PCYT1B: variants seen among roughly 807,000 people sequenced by gnomAD.
PCYT1B encodes the protein phosphate cytidylyltransferase 1B, choline.
Under a neutral mutation model 26.4 loss-of-function variants are expected in PCYT1B, and 10 were observed. The ratio of observed to expected loss-of-function variants is 0.38; its 90% confidence interval spans 0.23 to 0.64. The LOEUF is 0.64. PCYT1B is among the 30% of genes least tolerant of loss of function. The probability of loss-of-function intolerance (pLI) is 0.56; values close to 1 mark genes in which losing one functional copy is unlikely to be tolerated. For synonymous variants in PCYT1B, 131 were observed against 108.4 expected, an observed-to-expected ratio of 1.21 and a Z score of -1.29; for missense variants, 161 against 292.7, an observed-to-expected ratio of 0.55 and a Z score of 3.28.
chrX:24,603,285 G>C lies in PCYT1B; in HGVS notation c.334+4460C>G, dbSNP rs779582187. ...GGAAATCTGTGGGCCATCTTTAATT[G>C]TCATAATGGTTGGAGGCAGCTACCA... On this transcript the variant is annotated intron_variant, in intron 3 of 7. Coordinates refer to ENST00000379144, the MANE Select transcript of PCYT1B (RefSeq NM_004845.5). 2.7e-5 allele frequency among the ~76,000 whole-genome samples: 3 copies of C among 112,240 alleles called. No homozygotes were observed. In the South Asian group the frequency reaches 1.1e-3, roughly 42 times the overall value.
rs201430930 is a variant in PCYT1B at position 24,577,253 on chromosome X, T to TTCATC, written c.709-1940_709-1936dup. 4.9e-3 allele frequency among the ~76,000 whole-genome samples: 553 copies of TTCATC among 111,742 alleles called. 13 individuals carry two copies. Among genetic ancestry groups the TTCATC allele is most frequent in the Admixed American group, 0.046 (487 of 10,477 alleles). On this transcript the variant is annotated intron_variant, in intron 6 of 7. Coordinates refer to ENST00000379144, the MANE Select transcript of PCYT1B (RefSeq NM_004845.5). ...TACACGCCCATGCAACACATTAGATTTCATCTCTGAACTGCAGCCAGGTTT... is the reference window on the plus strand; with the variant it reads ...TACACGCCCATGCAACACATTAGATTTCATCTCATCTCTGAACTGCAGCCAGGTTT...
intron 6 of PCYT1B, 87 bp downstream of exon 6, chrX:24,579,229 G>A: frequency 1.1e-6 from 1 of 894,112 alleles, no homozygotes; most frequent in Non-Finnish European, 1.6e-6. Flanking sequence ...ACACTGCATA[G>A]CACTTAGTAA....
chrX:24,620,620 A>G lies in PCYT1B; in HGVS notation c.118-1536T>C, dbSNP rs147754635. Among the ~76,000 whole-genome samples, 197 of 112,396 alleles carry G rather than the reference A, an allele frequency of 1.8e-3. 1 individual carries two copies. Among genetic ancestry groups the G allele is most frequent in the Admixed American group, 0.015 (157 of 10,561 alleles). On this transcript the variant is annotated intron_variant, in intron 1 of 7. Coordinates refer to ENST00000379144, the MANE Select transcript of PCYT1B (RefSeq NM_004845.5). ...CTCTGTATCCACAAACCCCGGGTTC[A>G]GATCCCCTCTCCAGCACTTACTAGC...
chrX:24,608,043 A>G (rs1218205272), intron 2 of PCYT1B, among the ~76,000 whole-genome samples, 182 bp from the exon 3 acceptor site: 1 of 111,719 alleles, frequency 9.0e-6, no homozygotes, highest in Non-Finnish European at 1.9e-5. Context: ...GCAAAAACAT[A>G]ACAAACTTAA....
Position 24,566,998 on chromosome X carries a change from G to A in PCYT1B, c.898-4493C>T, listed in dbSNP as rs778166145. ...ACTCCCTTAGATTAAACCCATTTAT[G>A]AGGCAAATTCAAATGCTATAAGGAT... On this transcript the variant is annotated intron_variant, in intron 7 of 7. Transcript: ENST00000379144. Among the ~76,000 whole-genome samples the A allele has an allele frequency of 6.2e-5, 7 of 112,444 alleles. No homozygotes were observed. The East Asian group carries it at 1.9e-3, about 31-fold the overall frequency.
intron 1 of PCYT1B, among the ~76,000 whole-genome samples, chrX:24,637,491 A>AAAAAAAAAAATATATATAT: frequency 3.8e-5 from 2 of 52,882 alleles, no homozygotes; most frequent in African/African-American, 1.5e-4. Context: ...AAAAAAAAAA[A>AAAAAAAAAAATATATATAT]ATATATATAT....
chrX:24,590,073 T>C lies in PCYT1B; in HGVS notation c.436A>G (p.Ile146Val). Residue 146 changes from isoleucine (I) to valine (V), a missense_variant, in exon 4 of 8, where the codon ATC becomes GTC. By Grantham distance (29) the Ile-to-Val change is conservative. This residue lies in a region of PCYT1B where 65 missense variants were observed against 145.0 expected (regional missense o/e 0.45). Transcript: ENST00000379144. Reference protein sequence around the residue: ...LRHCRYVDEVIRDAPWTLTPE... With the variant: ...LRHCRYVDEVVRDAPWTLTPE... ...GTGAGTGTCCAGGGAGCATCTCTGA[T>C]AACTTCGTCTACGTAGCGACAGTGT... 8.3e-7 allele frequency: 1 copy of C among 1,207,901 alleles called. No individual in the cohort carries two copies. Among genetic ancestry groups the C allele is most frequent in the Non-Finnish European group, 1.1e-6 (1 of 892,182 alleles).
chrX:24,586,585 A>G (rs1290419789), intron 5 of PCYT1B, among the ~76,000 whole-genome samples: 1 of 112,208 alleles, frequency 8.9e-6, no homozygotes, highest in African/African-American at 3.2e-5. Flanking sequence ...ATCCCTATGC[A>G]TATGGTAACT....
intron 3 of PCYT1B, among the ~76,000 whole-genome samples, chrX:24,604,863 A>G (rs1925075348): frequency 1.8e-5 from 2 of 112,112 alleles, no homozygotes; most frequent in African/African-American, 6.5e-5. Flanking sequence ...AAGTAGTTCA[A>G]TATGCCCTTG....
intron 1 of PCYT1B, among the ~76,000 whole-genome samples, chrX:24,658,506 CTTTTTTTTT>C (rs1203809740): frequency 1.7e-5 from 1 of 58,839 alleles, no homozygotes; most frequent in African/African-American, 6.2e-5. Context: ...TGTTTCATTG[CTTTTTTTTT>C]TTTTTTTTTT....
intron 1 of PCYT1B, among the ~76,000 whole-genome samples, chrX:24,637,491 A>AAAAAAAAAATATATATATAT: frequency 3.8e-5 from 2 of 52,882 alleles, no homozygotes; most frequent in Admixed American, 2.5e-4. Flanking sequence ...AAAAAAAAAA[A>AAAAAAAAAATATATATATAT]ATATATATAT....
intron 4 of PCYT1B, among the ~76,000 whole-genome samples, chrX:24,588,247 C>A (rs1377818769): frequency 1.8e-5 from 2 of 111,552 alleles, no homozygotes; most frequent in African/African-American, 6.5e-5. Context: ...AATCCAGGAC[C>A]TGGTCACCCA....
At chrX:24,659,545 C>A (rs978734845) in intron 1 of PCYT1B, among the ~76,000 whole-genome samples, 2 of 111,833 alleles carry the variant, frequency 1.8e-5, no homozygotes, top group Non-Finnish European at 1.9e-5. Context: ...GAGTGTCTAA[C>A]ACTTTAGGGG....
At chrX:24,606,930 C>T (rs1364562413) in intron 3 of PCYT1B, among the ~76,000 whole-genome samples, 1 of 111,946 alleles carries the variant, frequency 8.9e-6, no homozygotes, top group Admixed American at 9.5e-5. Flanking sequence ...CTTTAAAAAA[C>T]AGTTATGTAG....
intron 1 of PCYT1B, among the ~76,000 whole-genome samples, chrX:24,627,874 A>C (rs1246110941): frequency 9.0e-6 from 1 of 111,638 alleles, no homozygotes; most frequent in Non-Finnish European, 1.9e-5. Context: ...GAATCAGGAT[A>C]ATTCCAAAGC....
chrX:24,654,586 A>T (rs1926861979), intron 1 of PCYT1B, among the ~76,000 whole-genome samples: 1 of 104,169 alleles, frequency 9.6e-6, no homozygotes, highest in Non-Finnish European at 2.0e-5. Flanking sequence ...CCTGGTCTCT[A>T]CTAAAAATAC....
Position 24,618,955 on chromosome X carries a change from C to T in PCYT1B, c.217+30G>A, listed in dbSNP as rs200996585. 544 of 948,450 alleles carry T rather than the reference C, an allele frequency of 5.7e-4. 3 individuals are homozygous for T. The highest frequency in any genetic ancestry group is 4.0e-5 in the Non-Finnish European group (28 of 697,966). 78.2% of individuals were successfully genotyped at this position (948,450 alleles called of 1,213,427 possible). On this transcript the variant is annotated intron_variant, in intron 2 of 7. Transcript: ENST00000379144. ...GATACTTTAAAATGTCAAGACAGGGCCCATTTAAGACAAAGAAGTACAGCC... is the reference window on the plus strand; with the variant it reads ...GATACTTTAAAATGTCAAGACAGGGTCCATTTAAGACAAAGAAGTACAGCC...
At chrX:24,663,509 C>T (rs1927068010) in intron 1 of PCYT1B, among the ~76,000 whole-genome samples, 1 of 112,480 alleles carries the variant, frequency 8.9e-6, no homozygotes, top group African/African-American at 3.2e-5. Context: ...TGCAAAGAGC[C>T]CTTCTTGTTA....
intron 1 of PCYT1B, among the ~76,000 whole-genome samples, chrX:24,666,526 A>G (rs1381374290): frequency 9.0e-6 from 1 of 111,009 alleles, no homozygotes; most frequent in African/African-American, 3.3e-5. Context: ...CAGATTTGAA[A>G]TAGGTATTAT....
Sources: allele counts gnomAD v4.1 joint callset (sites outside exome capture counted in the v4.1 genomes callset), GRCh38; gene constraint gnomAD v4.1.1; regional missense constraint gnomAD v4.1.1; transcripts MANE v1.5; gene names NCBI Gene and HGNC (gene_info 2026-07-23, HGNC 2026-07-21).